Variants in KCTD16 observed in about 807,000 individuals in gnomAD.
KCTD16 encodes potassium channel tetramerization domain containing 16.
Under a neutral mutation model 33.2 loss-of-function variants are expected in KCTD16, and 13 were observed. That is an observed-to-expected ratio of 0.39 (90% CI 0.25 to 0.62). KCTD16 has a LOEUF of 0.62. KCTD16 is among the 20% of genes least tolerant of loss of function. The pLI is 0.50. For synonymous variants in KCTD16, 197 were observed against 195.3 expected, an observed-to-expected ratio of 1.01 and a Z score of -0.07; for missense variants, 441 against 525.1, an observed-to-expected ratio of 0.84 and a Z score of 1.57.
chr5:144,348,351 T>C (rs541599321), intron 3 of KCTD16, among the ~76,000 whole-genome samples: 17 of 151,980 alleles, frequency 1.1e-4, no homozygotes, highest in Admixed American at 6.5e-4. Flanking sequence ...ATCACCATCA[T>C]CCCAATTTTT....
intron 2 of KCTD16, among the ~76,000 whole-genome samples, chr5:144,195,387 G>A (rs1002201251): frequency 3.3e-5 from 5 of 152,194 alleles, no homozygotes; most frequent in Admixed American, 1.3e-4. Flanking sequence ...CTCCTTGGGG[G>A]CATCTGAGGT....
chr5:144,205,477 C>T, intron 2 of KCTD16: 1 of 398,782 alleles, frequency 2.5e-6, no homozygotes, highest in East Asian at 3.6e-5. Flanking sequence ...CATCTCTGCG[C>T]TGCGTTGGCC....
At chr5:144,292,046 A>G (rs895942414) in intron 3 of KCTD16, among the ~76,000 whole-genome samples, 2 of 152,234 alleles carry the variant, frequency 1.3e-5, no homozygotes, top group Non-Finnish European at 2.9e-5. Context: ...ATTTTTCAAT[A>G]TAATTGGTTT....
chr5:144,192,770 T>C (rs1477264410), intron 2 of KCTD16, among the ~76,000 whole-genome samples: 1 of 152,230 alleles, frequency 6.6e-6, no homozygotes, highest in Non-Finnish European at 1.5e-5. Context: ...CTTTTGAATG[T>C]CTCTGTAACC....
chr5:144,356,946 C>A (rs1751584383), intron 3 of KCTD16, among the ~76,000 whole-genome samples: 1 of 151,990 alleles, frequency 6.6e-6, no homozygotes, highest in African/African-American at 2.4e-5. Context: ...TAACTCAGAT[C>A]AAAGAGATTA....
At chr5:144,306,135 G>A (rs887307914) in intron 3 of KCTD16, among the ~76,000 whole-genome samples, 8 of 152,314 alleles carry the variant, frequency 5.3e-5, no homozygotes, top group African/African-American at 1.7e-4. Flanking sequence ...TTACACAGAG[G>A]TTTATGTAGC....
intron 3 of KCTD16, among the ~76,000 whole-genome samples, chr5:144,239,445 G>A (rs953972296): frequency 6.6e-6 from 1 of 152,108 alleles, no homozygotes; most frequent in East Asian, 1.9e-4. Context: ...CAGTTGCAAA[G>A]AATCTAATTT....
intron 3 of KCTD16, among the ~76,000 whole-genome samples, chr5:144,376,437 C>A (rs77517433): frequency 0.013 from 1,904 of 152,158 alleles, 33 homozygotes; most frequent in African/African-American, 0.043. Flanking sequence ...TTGATAAGAC[C>A]TCCACTGGAG....
chr5:144,372,205 C>CTT (rs200508726), intron 3 of KCTD16, among the ~76,000 whole-genome samples: 6,097 of 142,506 alleles, frequency 0.043, 415 homozygotes, highest in African/African-American at 0.14. Flanking sequence ...CTCTGTGCTT[C>CTT]TTTTTTTTTT....
chr5:144,302,994 G>A (rs1751485566), intron 3 of KCTD16, among the ~76,000 whole-genome samples: 1 of 152,190 alleles, frequency 6.6e-6, no homozygotes, highest in Admixed American at 6.5e-5. Context: ...ATATTGTACA[G>A]GGAAATCTAA....
chr5:144,417,921 CAGTG>C (rs1485416237), intron 3 of KCTD16, among the ~76,000 whole-genome samples: 1 of 152,168 alleles, frequency 6.6e-6, no homozygotes, highest in Non-Finnish European at 1.5e-5. Context: ...TGGACCCTCA[CAGTG>C]AGTGTTACAG....
At chr5:144,217,552 T>C (rs1240618041) in intron 3 of KCTD16, among the ~76,000 whole-genome samples, 1 of 152,208 alleles carries the variant, frequency 6.6e-6, no homozygotes, top group Non-Finnish European at 1.5e-5. Context: ...AGGTCAATTT[T>C]GGATGTTCAA....
intron 3 of KCTD16, among the ~76,000 whole-genome samples, chr5:144,226,560 T>C (rs541291883): frequency 6.6e-6 from 1 of 150,814 alleles, no homozygotes; most frequent in African/African-American, 2.5e-5. Flanking sequence ...TATGTTTGAC[T>C]TTGAGAAAAA....
intron 3 of KCTD16, among the ~76,000 whole-genome samples, chr5:144,401,459 A>T (rs1480158673): frequency 2.6e-5 from 4 of 152,020 alleles, no homozygotes; most frequent in Admixed American, 2.6e-4. Context: ...AATATGTATT[A>T]AAAAAAGTTA....
chr5:144,343,826 T>G (rs978166483), intron 3 of KCTD16, among the ~76,000 whole-genome samples: 1 of 152,222 alleles, frequency 6.6e-6, no homozygotes, highest in Non-Finnish European at 1.5e-5. Flanking sequence ...TCTGCCTTCA[T>G]TTCGTTATGT....
chr5:144,209,595 T>A (rs1397489021), intron 3 of KCTD16, among the ~76,000 whole-genome samples: 1 of 151,908 alleles, frequency 6.6e-6, no homozygotes, highest in Non-Finnish European at 1.5e-5. Context: ...GCATAACAGC[T>A]TCCGTGCAGC....
rs576404401 is a variant in KCTD16, at chr5:144,396,039, C to T, written c.833-77621C>T. On this transcript the variant is annotated intron_variant, in intron 3 of 3. Transcript: ENST00000512467. ...AAAACCTAAAATATTTATTATCTGT[C>T]TCTTTGCAGAAAAAAATTGCAAACC... 5.6e-4 allele frequency among the ~76,000 whole-genome samples: 85 copies of T among 152,252 alleles called. 1 individual carries two copies. The highest frequency in any genetic ancestry group is 2.0e-3 in the African/African-American group (83 of 41,556).
At position 144,244,126 on chromosome 5, in the gene KCTD16, C is replaced by G. The variant is rs939018174; in HGVS notation, c.832+36580C>G. On this transcript the variant is annotated intron_variant, in intron 3 of 3. Coordinates refer to ENST00000512467, the MANE Select transcript of KCTD16 (RefSeq NM_020768.4). Reference sequence around the variant, plus strand: ...CATGGAGAGTTTCTAAGACTCCCCACTCTTTGGGGGATTCAGGACTGTAAT... The same window carrying G: ...CATGGAGAGTTTCTAAGACTCCCCAGTCTTTGGGGGATTCAGGACTGTAAT... 3.6e-4 allele frequency among the ~76,000 whole-genome samples: 55 copies of G among 152,166 alleles called. 1 individual carries two copies. The highest frequency in any genetic ancestry group is 2.0e-4 in the Admixed American group (3 of 15,264).
At chr5:144,439,044 C>CT (rs1753642247) in intron 3 of KCTD16, among the ~76,000 whole-genome samples, 1 of 147,342 alleles carries the variant, frequency 6.8e-6, no homozygotes, top group African/African-American at 2.5e-5. Flanking sequence ...TTTTTTTTTT[C>CT]TTTTTTTCTG....
Sources: allele counts gnomAD v4.1 joint callset (sites outside exome capture counted in the v4.1 genomes callset), GRCh38; gene constraint gnomAD v4.1.1; transcripts MANE v1.5; gene names NCBI Gene and HGNC (gene_info 2026-07-23, HGNC 2026-07-21).